Variants in GALNT9 observed in about 807,000 individuals in gnomAD.
GALNT9 encodes polypeptide N-acetylgalactosaminyltransferase 9, also known as GalNAc transferase 9.
A neutral mutation model predicts 63.1 loss-of-function variants in GALNT9; 47 were observed. That is an observed-to-expected ratio of 0.75 (90% CI 0.59 to 0.95). The LOEUF is 0.95. GALNT9 is among the 40% of genes least tolerant of loss of function. The pLI, the probability that GALNT9 is intolerant of heterozygous loss-of-function variation, is 0.00. For synonymous variants in GALNT9, 396 were observed against 365.7 expected, an observed-to-expected ratio of 1.08 and a Z score of -0.94; for missense variants, 829 against 874.8, an observed-to-expected ratio of 0.95 and a Z score of 0.66.
At chr12:132,217,801 T>C (rs1014501635) in intron 6 of GALNT9, among the ~76,000 whole-genome samples, 5 of 147,210 alleles carry the variant, frequency 3.4e-5, no homozygotes, top group Non-Finnish European at 6.0e-5. Flanking sequence ...CATCCATCCA[T>C]CCGTCCATTC....
At chr12:132,243,703 C>A (rs1878568736) in intron 6 of GALNT9, among the ~76,000 whole-genome samples, 2 of 152,200 alleles carry the variant, frequency 1.3e-5, no homozygotes. Context: ...TGTCCTGGGG[C>A]CACTGAACTC....
chr12:132,305,118 C>A (rs556918678), intron 1 of GALNT9, among the ~76,000 whole-genome samples: 1 of 73,998 alleles, frequency 1.4e-5, no homozygotes, highest in Non-Finnish European at 2.4e-5. Flanking sequence ...CCCAGACACG[C>A]CCTCACCCGG....
chr12:132,257,818 ATGT>A lies in GALNT9; in HGVS notation c.827_829del (p.Asn276del). On this transcript the variant is annotated inframe_deletion, in exon 5 of 11. Coordinates refer to ENST00000328957, the MANE Select transcript of GALNT9 (RefSeq NM_001122636.2). ...CTGCACCTCAAACGTGCTGTACTTG[ATGT>A]TGTCGATGGCTGGCAGCACGATGCG... is the stretch of plus-strand genomic sequence containing the variant. The A allele has an allele frequency of 6.5e-7, 1 of 1,550,172 alleles. No homozygotes were observed. Among genetic ancestry groups the A allele is most frequent in the Non-Finnish European group, 8.7e-7 (1 of 1,146,804 alleles).
chr12:132,283,763 G>A (rs1353006545), intron 2 of GALNT9: 2 of 152,346 alleles, frequency 1.3e-5, no homozygotes, highest in South Asian at 2.1e-4. Context: ...CCCCCCAGGA[G>A]GGGACACCTG....
intron 6 of GALNT9, among the ~76,000 whole-genome samples, chr12:132,221,066 A>G (rs904026393): frequency 1.5e-4 from 21 of 143,746 alleles, no homozygotes; most frequent in Non-Finnish European, 1.8e-4. Context: ...AAAAAAAAAA[A>G]AAAAAAGGTC....
At chr12:132,217,582 C>T (rs536608065) in intron 6 of GALNT9, among the ~76,000 whole-genome samples, 3 of 127,472 alleles carry the variant, frequency 2.4e-5, no homozygotes, top group East Asian at 5.1e-4. Flanking sequence ...TCCAGCCATC[C>T]CCCACTCATC....
At chr12:132,294,850 G>T (rs1192175580) in intron 1 of GALNT9, among the ~76,000 whole-genome samples, 2 of 152,212 alleles carry the variant, frequency 1.3e-5, no homozygotes, top group Non-Finnish European at 2.9e-5. Context: ...AGGTTGCCGT[G>T]GGCGCCTCGC....
At chr12:132,205,097 C>G (rs1260597061) in intron 6 of GALNT9, among the ~76,000 whole-genome samples, 1 of 152,180 alleles carries the variant, frequency 6.6e-6, no homozygotes, top group Non-Finnish European at 1.5e-5. Context: ...CATCCCTGGA[C>G]TCTGGTTCAT....
At chr12:132,304,793 A>G (rs1457446104) in intron 1 of GALNT9, among the ~76,000 whole-genome samples, 12 of 18,466 alleles carry the variant, frequency 6.5e-4, no homozygotes, top group Admixed American at 2.1e-3. Flanking sequence ...CCTCGCCCAG[A>G]CACACCCTCA....
Position 132,197,026 on chromosome 12 carries a change from C to G in GALNT9, c.*81G>C, listed in dbSNP as rs114407037. 1.9e-6 allele frequency: 3 copies of G among 1,576,142 alleles called. No individual in the cohort carries two copies. Among genetic ancestry groups the G allele is most frequent in the Non-Finnish European group, 2.6e-6 (3 of 1,159,572 alleles). On this transcript the variant is annotated 3_prime_UTR_variant, in exon 11 of 11. Transcript: ENST00000328957. Reference sequence around the variant, plus strand: ...TAGAGCCCTGTCCTGCTGTGTCTGCCGGGCACACCCCGGTCACTCAGCCAC... The same window carrying G: ...TAGAGCCCTGTCCTGCTGTGTCTGCGGGGCACACCCCGGTCACTCAGCCAC...
intron 9 of GALNT9, among the ~76,000 whole-genome samples, chr12:132,198,597 C>T (rs1414182161): frequency 1.3e-5 from 2 of 152,184 alleles, no homozygotes; most frequent in East Asian, 1.9e-4. Context: ...GTGCTGTTGC[C>T]GTCTCTCTTG....
intron 1 of GALNT9, among the ~76,000 whole-genome samples, chr12:132,302,840 C>T (rs1439673941): frequency 2.0e-5 from 3 of 152,118 alleles, no homozygotes; most frequent in East Asian, 1.9e-4. Context: ...CTTTCTGTGC[C>T]GCTGGGATCT....
chr12:132,254,936 C>T lies in GALNT9; in HGVS notation c.959+2753G>A, dbSNP rs558302832. ...GTCCGAGGGAGCAGCCACAGCTCAG[C>T]TTCAGTTCATCATGACTGAGTAAGA... On this transcript the variant is annotated intron_variant, in intron 5 of 10. Coordinates refer to ENST00000328957, the MANE Select transcript of GALNT9 (RefSeq NM_001122636.2). 3.0e-3 allele frequency among the ~76,000 whole-genome samples: 464 copies of T among 152,298 alleles called. 1 individual carries two copies. The highest frequency in any genetic ancestry group is 0.011 in the African/African-American group (445 of 41,570).
intron 6 of GALNT9, among the ~76,000 whole-genome samples, chr12:132,226,149 A>G (rs1877673929): frequency 7.4e-6 from 1 of 134,386 alleles, no homozygotes; most frequent in South Asian, 2.4e-4. Context: ...TACACACCCC[A>G]CACATACACC....
intron 1 of GALNT9, among the ~76,000 whole-genome samples, chr12:132,300,696 T>A (rs1881262039): frequency 6.7e-6 from 1 of 149,372 alleles, no homozygotes; most frequent in Non-Finnish European, 1.5e-5. Context: ...CTCACTCCCA[T>A]AACTAACCCA....
chr12:132,201,421 GCCT>G (rs1876103247), intron 7 of GALNT9, 160 bp from the exon 8 acceptor site: 1 of 600,168 alleles, frequency 1.7e-6, no homozygotes, highest in African/African-American at 1.9e-5. Flanking sequence ...GGACCCCCCA[GCCT>G]CCTAATATCC....
At chr12:132,210,965 A>G (rs535666085) in intron 6 of GALNT9, among the ~76,000 whole-genome samples, 1 of 152,044 alleles carries the variant, frequency 6.6e-6, no homozygotes, top group Admixed American at 6.5e-5. Flanking sequence ...TGGCAAAACC[A>G]TCACACTTGA....
At chr12:132,214,406 C>T (rs557389481) in intron 6 of GALNT9, among the ~76,000 whole-genome samples, 104 of 152,310 alleles carry the variant, frequency 6.8e-4, no homozygotes, top group South Asian at 1.2e-3. Context: ...CTGCCCCTCC[C>T]GGGTGAGTGA....
chr12:132,322,772 G>C (rs1309212386), intron 1 of GALNT9, among the ~76,000 whole-genome samples: 2 of 152,216 alleles, frequency 1.3e-5, no homozygotes, highest in Non-Finnish European at 2.9e-5. Flanking sequence ...GGGCCGAGCT[G>C]CTTCCGTGCT....
Sources: allele counts gnomAD v4.1 joint callset (sites outside exome capture counted in the v4.1 genomes callset), GRCh38; gene constraint gnomAD v4.1.1; transcripts MANE v1.5; gene names NCBI Gene and HGNC (gene_info 2026-07-23, HGNC 2026-07-21).